The following TANC1 variants were observed in gnomAD, a reference collection of about 807,000 sequenced individuals.
The protein encoded by TANC1 is protein TANC1.
TANC1 carries 77 observed loss-of-function variants against 149.7 expected under a neutral mutation model. The ratio of observed to expected loss-of-function variants is 0.51; its 90% CI spans 0.43 to 0.62. TANC1 has a LOEUF of 0.62. Among genes scored for constraint, TANC1 ranks in the 20% least tolerant of loss-of-function variants. The pLI is 0.00. For missense variants in TANC1, 1,985 were observed against 2,321.8 expected, an observed-to-expected ratio of 0.85 and a Z score of 2.98; for synonymous variants, 854 against 925.0, an observed-to-expected ratio of 0.92 and a Z score of 1.39.
chr2:159,100,370 A>G (rs1313826492), intron 4 of TANC1, among the ~76,000 whole-genome samples: 1 of 152,222 alleles, frequency 6.6e-6, no homozygotes, highest in African/African-American at 2.4e-5. Flanking sequence ...ATGGAGGCAG[A>G]AGAATCCCTG....
rs983850717 is a variant in TANC1 at position 159,128,250 on chromosome 2, A to T, written c.260-7944A>T. 2.6e-5 allele frequency among the ~76,000 whole-genome samples: 4 copies of T among 152,156 alleles called. No homozygotes were observed. In the East Asian group the frequency reaches 7.7e-4, roughly 29 times the overall value. On this transcript the variant is annotated intron_variant, in intron 4 of 26. Coordinates refer to ENST00000263635, the MANE Select transcript of TANC1 (RefSeq NM_033394.3). ...TCATACAAGGCCCCAGGCCCTTGTA[A>T]AAGTGTTCCTGAATGCTTCTGGAAG...
At chr2:159,049,533 C>T (rs1375426037) in intron 2 of TANC1, among the ~76,000 whole-genome samples, 1 of 152,150 alleles carries the variant, frequency 6.6e-6, no homozygotes, top group East Asian at 1.9e-4. Flanking sequence ...GGTCCAGCAG[C>T]CTGCCTCTTA....
intron 14 of TANC1, among the ~76,000 whole-genome samples, chr2:159,185,431 T>A (rs2150597748): frequency 6.6e-6 from 1 of 152,336 alleles, no homozygotes; most frequent in Non-Finnish European, 1.5e-5. Context: ...TTCTCTGCTT[T>A]CTTGATCATG....
intron 22 of TANC1, among the ~76,000 whole-genome samples, chr2:159,222,752 T>C (rs536170007): frequency 5.6e-4 from 85 of 152,308 alleles, no homozygotes; most frequent in African/African-American, 2.0e-3. Context: ...GGGGTATATA[T>C]CCAGAAGCAG....
intron 4 of TANC1, among the ~76,000 whole-genome samples, chr2:159,127,938 C>G (rs970289747): frequency 6.6e-6 from 1 of 152,238 alleles, no homozygotes; most frequent in Non-Finnish European, 1.5e-5. Context: ...CATTTACATC[C>G]TCACAATGTC....
At chr2:159,067,921 A>C (rs921945479) in intron 3 of TANC1, among the ~76,000 whole-genome samples, 1 of 152,236 alleles carries the variant, frequency 6.6e-6, no homozygotes, top group African/African-American at 2.4e-5. Context: ...GTTTCAGAGC[A>C]TGTGATTTTG....
chr2:159,050,625 C>T (rs2041396612), intron 2 of TANC1, among the ~76,000 whole-genome samples: 1 of 152,200 alleles, frequency 6.6e-6, no homozygotes. Context: ...CTCTAAGTCT[C>T]AGTTTCCTTA....
At chr2:159,190,081 T>C (rs187659698) in intron 16 of TANC1, among the ~76,000 whole-genome samples, 32 of 152,358 alleles carry the variant, frequency 2.1e-4, no homozygotes, top group Non-Finnish European at 3.7e-4. Context: ...ACTCCAAGTA[T>C]ACCTTCCACC....
chr2:159,003,752 C>T (rs542970779), intron 2 of TANC1, among the ~76,000 whole-genome samples: 3 of 152,324 alleles, frequency 2.0e-5, no homozygotes, highest in African/African-American at 7.2e-5. Flanking sequence ...CTGCCGCAGT[C>T]GTCGTCTTTC....
chr2:159,151,864 A>T (rs1465556089), intron 7 of TANC1, among the ~76,000 whole-genome samples: 2 of 152,190 alleles, frequency 1.3e-5, no homozygotes, highest in Non-Finnish European at 2.9e-5. Flanking sequence ...ATACCATAGT[A>T]TTCACTCATT....
chr2:159,087,136 G>C (rs1051250769), intron 3 of TANC1, among the ~76,000 whole-genome samples: 1 of 127,872 alleles, frequency 7.8e-6, no homozygotes, highest in Admixed American at 8.2e-5. Flanking sequence ...TGGGGTGAAG[G>C]ATGTGGTTCA....
intron 3 of TANC1, among the ~76,000 whole-genome samples, chr2:159,072,516 A>G (rs139098774): frequency 2.7e-3 from 415 of 152,334 alleles, no homozygotes; most frequent in African/African-American, 9.5e-3. Flanking sequence ...AGGGTTGAAT[A>G]CGAATACCTT....
chr2:158,999,398 A>T (rs2036429200), intron 1 of TANC1, among the ~76,000 whole-genome samples: 1 of 152,172 alleles, frequency 6.6e-6, no homozygotes, highest in African/African-American at 2.4e-5. Context: ...TTGCTTTATA[A>T]ATAGCAAGGG....
At chr2:159,047,195 C>CG (rs987895946) in intron 2 of TANC1, among the ~76,000 whole-genome samples, 8 of 151,012 alleles carry the variant, frequency 5.3e-5, no homozygotes, top group Non-Finnish European at 1.2e-4. Flanking sequence ...ATTTCCCCCC[C>CG]CCAGTTATTG....
chr2:159,222,696 A>T (rs1049750047), intron 22 of TANC1, among the ~76,000 whole-genome samples: 1 of 152,206 alleles, frequency 6.6e-6, no homozygotes, highest in African/African-American at 2.4e-5. Flanking sequence ...GTTGCAATGA[A>T]TGTGGGTGTC....
At chr2:159,015,494 A>G (rs1327693284) in intron 2 of TANC1, among the ~76,000 whole-genome samples, 3 of 152,144 alleles carry the variant, frequency 2.0e-5, no homozygotes, top group African/African-American at 7.2e-5. Flanking sequence ...TGTCTTGGGG[A>G]TTAACATTGG....
chr2:159,143,691 G>C (rs1273809310), intron 5 of TANC1, among the ~76,000 whole-genome samples: 1 of 151,624 alleles, frequency 6.6e-6, no homozygotes. Flanking sequence ...TGAGGCTGCA[G>C]TTCTTCACAT....
At chr2:158,976,439 AC>A (rs1379382621) in intron 1 of TANC1, among the ~76,000 whole-genome samples, 3 of 152,186 alleles carry the variant, frequency 2.0e-5, no homozygotes, top group African/African-American at 4.8e-5. Context: ...TTTTAACTAA[AC>A]TGACCCCCAG....
intron 7 of TANC1, 195 bp downstream of exon 7, chr2:159,150,751 T>G: frequency 1.8e-6 from 1 of 554,322 alleles, no homozygotes; most frequent in East Asian, 2.9e-5. Context: ...CCTTGATGTT[T>G]ACTTTATAAC....
Sources: gnomAD v4.1 joint callset for allele counts (sites outside exome capture counted in the v4.1 genomes callset) on GRCh38, gnomAD v4.1.1 for gene constraint, MANE v1.5 for transcripts, NCBI Gene and HGNC (gene_info 2026-07-23, HGNC 2026-07-21) for gene names.